IL1RAPL2: variants seen among roughly 807,000 people sequenced by gnomAD.
IL1RAPL2 encodes the protein interleukin 1 receptor accessory protein like 2.
IL1RAPL2 carries 3 observed loss-of-function variants against 44.1 expected under a neutral mutation model. The observed-to-expected ratio is 0.07, with a 90% CI of 0.03 to 0.18. The LOEUF (loss-of-function observed/expected upper bound fraction) is 0.18, where lower values mean the gene tolerates loss of function less well. Among genes scored for constraint, IL1RAPL2 ranks in the 10% least tolerant of loss-of-function variants. IL1RAPL2 has a pLI of 1.00. For synonymous variants in IL1RAPL2, 181 were observed against 178.8 expected, an observed-to-expected ratio of 1.01 and a Z score of -0.10; for missense variants, 391 against 496.4, an observed-to-expected ratio of 0.79 and a Z score of 2.02.
chrX:105,028,975 G>A (rs1478050764), intron 2 of IL1RAPL2, among the ~76,000 whole-genome samples: 1 of 109,450 alleles, frequency 9.1e-6, no homozygotes, highest in Non-Finnish European at 1.9e-5. Flanking sequence ...TTTCATTCTT[G>A]TACTTGGTCA....
At chrX:105,351,785 TAAAA>T (rs988032618) in intron 5 of IL1RAPL2, among the ~76,000 whole-genome samples, 1 of 110,976 alleles carries the variant, frequency 9.0e-6, no homozygotes, top group East Asian at 2.8e-4. Flanking sequence ...ATAATAATAA[TAAAA>T]AAAATCTTGA....
chrX:105,719,746 TAAA>T (rs3038940), intron 7 of IL1RAPL2, among the ~76,000 whole-genome samples: 2 of 99,794 alleles, frequency 2.0e-5, no homozygotes, highest in African/African-American at 7.2e-5. Context: ...CTGTTTTTCT[TAAA>T]AAAAAAAAAA....
chrX:105,059,348 G>C (rs943760469), intron 2 of IL1RAPL2, among the ~76,000 whole-genome samples: 6 of 111,164 alleles, frequency 5.4e-5, no homozygotes, highest in Non-Finnish European at 9.4e-5. Flanking sequence ...TTAATTTTTA[G>C]CTCTGACAGA....
chrX:104,599,026 T>G (rs1361386393), intron 1 of IL1RAPL2, among the ~76,000 whole-genome samples: 1 of 112,181 alleles, frequency 8.9e-6, no homozygotes, highest in Non-Finnish European at 1.9e-5. Flanking sequence ...TTGTAGAAGC[T>G]TGACTGAAGT....
intron 2 of IL1RAPL2, among the ~76,000 whole-genome samples, chrX:104,773,132 C>T (rs1342475588): frequency 9.0e-6 from 1 of 111,314 alleles, no homozygotes; most frequent in Non-Finnish European, 1.9e-5. Context: ...TAATCTTGAA[C>T]TCTTGGGCTC....
chrX:104,901,171 T>C (rs1180973988), intron 2 of IL1RAPL2, among the ~76,000 whole-genome samples: 1 of 106,719 alleles, frequency 9.4e-6, no homozygotes, highest in Non-Finnish European at 1.9e-5. Context: ...TTTCAGGTGA[T>C]TGAGGAGTTG....
chrX:105,288,644 A>T (rs1016969137), intron 5 of IL1RAPL2, among the ~76,000 whole-genome samples: 1 of 111,120 alleles, frequency 9.0e-6, no homozygotes, highest in Non-Finnish European at 1.9e-5. Context: ...ATAAAAATGT[A>T]CCCATTAATG....
intron 7 of IL1RAPL2, among the ~76,000 whole-genome samples, chrX:105,739,483 T>A (rs1192275918): frequency 1.1e-5 from 1 of 93,388 alleles, no homozygotes; most frequent in Admixed American, 1.1e-4. Flanking sequence ...TATCGCCCAA[T>A]GCTATCCCTC....
At chrX:104,577,665 A>C (rs1376684889) in intron 1 of IL1RAPL2, among the ~76,000 whole-genome samples, 1 of 110,995 alleles carries the variant, frequency 9.0e-6, no homozygotes, top group Non-Finnish European at 1.9e-5. Flanking sequence ...GGAAGAAAGC[A>C]CAAGGGTGGT....
intron 1 of IL1RAPL2, among the ~76,000 whole-genome samples, chrX:104,606,178 A>G (rs959379741): frequency 2.7e-5 from 3 of 112,248 alleles, no homozygotes; most frequent in Non-Finnish European, 5.6e-5. Flanking sequence ...ATGCAAATCA[A>G]TAAACATAAT....
At chrX:104,838,541 T>C (rs987095540) in intron 2 of IL1RAPL2, among the ~76,000 whole-genome samples, 3 of 111,425 alleles carry the variant, frequency 2.7e-5, no homozygotes, top group Non-Finnish European at 5.6e-5. Context: ...TGTTGGTGTG[T>C]AGGAATGCTT....
At chrX:105,745,600 G>T (rs1172003866) in intron 8 of IL1RAPL2, among the ~76,000 whole-genome samples, 1 of 111,790 alleles carries the variant, frequency 8.9e-6, no homozygotes, top group African/African-American at 3.3e-5. Flanking sequence ...GGTTTCCTCA[G>T]GCATCTCTTA....
chrX:105,146,684 CCAAA>C (rs2033182635), intron 2 of IL1RAPL2, among the ~76,000 whole-genome samples: 1 of 111,147 alleles, frequency 9.0e-6, no homozygotes, highest in Non-Finnish European at 1.9e-5. Context: ...TGCAGCAAAA[CCAAA>C]CAGTGACATT....
chrX:105,276,546 T>C (rs929564123), intron 5 of IL1RAPL2, among the ~76,000 whole-genome samples: 1 of 112,707 alleles, frequency 8.9e-6, no homozygotes, highest in African/African-American at 3.2e-5. Flanking sequence ...GACTCAACCC[T>C]AGCTGATTGC....
chrX:105,708,816 T>C, intron 6 of IL1RAPL2, among the ~76,000 whole-genome samples: 1 of 112,158 alleles, frequency 8.9e-6, no homozygotes, highest in South Asian at 3.6e-4. Context: ...GATATGATTG[T>C]ATAGATTGGC....
intron 6 of IL1RAPL2, among the ~76,000 whole-genome samples, chrX:105,555,777 A>C (rs758098895): frequency 1.8e-5 from 2 of 112,244 alleles, no homozygotes; most frequent in African/African-American, 6.5e-5. Context: ...GCTTCAAATG[A>C]GAGGTATGTT....
At chrX:104,986,409 G>A (rs1343212800) in intron 2 of IL1RAPL2, among the ~76,000 whole-genome samples, 2 of 112,299 alleles carry the variant, frequency 1.8e-5, no homozygotes, top group Non-Finnish European at 3.8e-5. Flanking sequence ...GTGCTCTAAA[G>A]GCTTAGTAAT....
intron 6 of IL1RAPL2, among the ~76,000 whole-genome samples, chrX:105,649,901 AG>A (rs1244332783): frequency 9.0e-6 from 1 of 111,725 alleles, no homozygotes; most frequent in East Asian, 2.8e-4. Context: ...AGATATCTCA[AG>A]TCTTCTGAGG....
intron 7 of IL1RAPL2, among the ~76,000 whole-genome samples, chrX:105,737,639 G>T (rs1347487599): frequency 9.0e-6 from 1 of 111,409 alleles, no homozygotes; most frequent in African/African-American, 3.3e-5. Flanking sequence ...TTTCCACCCT[G>T]TGCCTGGCAG....
Sources: allele counts gnomAD v4.1 joint callset (sites outside exome capture counted in the v4.1 genomes callset), GRCh38; gene constraint gnomAD v4.1.1; transcripts MANE v1.5; gene names NCBI Gene and HGNC (gene_info 2026-07-23, HGNC 2026-07-21).